NELL1: variants seen among roughly 807,000 people sequenced by gnomAD.
NELL1 encodes the protein protein kinase C-binding protein NELL1.
A neutral mutation model predicts 107.4 loss-of-function variants in NELL1; 76 were observed. That is an observed-to-expected ratio of 0.71 (90% confidence interval 0.59 to 0.86). NELL1 has a LOEUF of 0.86. Ranked by LOEUF, NELL1 falls within the 40% of genes least tolerant of loss-of-function variation. The probability of loss-of-function intolerance (pLI) is 0.00; values close to 1 mark genes in which losing one functional copy is unlikely to be tolerated. For missense variants in NELL1, 1,024 were observed against 1,005.5 expected (o/e 1.02, Z -0.25); for synonymous variants, 353 against 341.2 (o/e 1.03, Z -0.38).
chr11:20,750,668 C>A (rs1441984573), intron 2 of NELL1, among the ~76,000 whole-genome samples: 1 of 151,926 alleles, frequency 6.6e-6, no homozygotes, highest in East Asian at 1.9e-4. Context: ...CTCACTGTAC[C>A]CTTGAATTCT....
intron 3 of NELL1, among the ~76,000 whole-genome samples, chr11:20,823,513 C>T (rs1424536208): frequency 1.3e-5 from 2 of 151,228 alleles, no homozygotes; most frequent in Non-Finnish European, 3.0e-5. Flanking sequence ...TCTTTTTCCA[C>T]ACATGCAGCC....
intron 1 of NELL1, chr11:20,671,218 A>T (rs1853899988): frequency 6.6e-6 from 1 of 152,214 alleles, no homozygotes; most frequent in Non-Finnish European, 1.5e-5. Flanking sequence ...GCCCATCCGG[A>T]TGGGTTAGTC....
chr11:21,036,046 T>C (rs1457919060), intron 12 of NELL1, among the ~76,000 whole-genome samples: 1 of 152,098 alleles, frequency 6.6e-6, no homozygotes, highest in Non-Finnish European at 1.5e-5. Flanking sequence ...AGTCTCAGGA[T>C]ACAAAATAAA....
intron 16 of NELL1, among the ~76,000 whole-genome samples, chr11:21,535,726 A>G (rs1245717707): frequency 6.6e-6 from 1 of 152,160 alleles, no homozygotes; most frequent in Non-Finnish European, 1.5e-5. Flanking sequence ...AATAATGTTT[A>G]TATGTTTTTG....
At chr11:20,794,449 A>G (rs1374572063) in intron 3 of NELL1, among the ~76,000 whole-genome samples, 1 of 152,184 alleles carries the variant, frequency 6.6e-6, no homozygotes, top group African/African-American at 2.4e-5. Context: ...CAGAATTTTC[A>G]TGACTAGTTT....
chr11:21,305,301 C>T (rs1209228783), intron 14 of NELL1, among the ~76,000 whole-genome samples: 1 of 151,890 alleles, frequency 6.6e-6, no homozygotes, highest in African/African-American at 2.4e-5. Context: ...CAGATGTGTT[C>T]GTCCTTATTT....
At chr11:20,992,601 G>A (rs189688981) in intron 12 of NELL1, among the ~76,000 whole-genome samples, 93 of 152,172 alleles carry the variant, frequency 6.1e-4, no homozygotes, top group Non-Finnish European at 1.0e-3. Context: ...TCAAGGTCAG[G>A]TGAAGAGTAA....
intron 4 of NELL1, among the ~76,000 whole-genome samples, chr11:20,871,565 T>G (rs1849198156): frequency 6.6e-6 from 1 of 152,208 alleles, no homozygotes; most frequent in Non-Finnish European, 1.5e-5. Context: ...CTCTTTCATT[T>G]CTTTATAATG....
At chr11:21,333,947 C>G (rs923431831) in intron 14 of NELL1, among the ~76,000 whole-genome samples, 2 of 152,008 alleles carry the variant, frequency 1.3e-5, no homozygotes, top group Non-Finnish European at 2.9e-5. Flanking sequence ...TGGGGCAGGT[C>G]CCTTCTTCTT....
At chr11:21,416,250 T>A (rs1390482977) in intron 15 of NELL1, among the ~76,000 whole-genome samples, 3 of 152,088 alleles carry the variant, frequency 2.0e-5, no homozygotes, top group Admixed American at 6.6e-5. Context: ...ACAGAGTTTT[T>A]AAAAATGATA....
At chr11:20,676,708 G>A (rs1290576129) in intron 1 of NELL1, among the ~76,000 whole-genome samples, 1 of 152,182 alleles carries the variant, frequency 6.6e-6, no homozygotes, top group Non-Finnish European at 1.5e-5. Context: ...AGGACCAGGG[G>A]TTAAGGTGGG....
Position 21,550,702 on chromosome 11 carries a change from G to C in NELL1, c.1787-9487G>C, listed in dbSNP as rs371421077. Among the ~76,000 whole-genome samples, 15 of 151,972 alleles carry C rather than the reference G, an allele frequency of 9.9e-5. No homozygotes were observed. The East Asian group carries it at 1.2e-3, about 12-fold the overall frequency. On this transcript the variant is annotated intron_variant, in intron 16 of 19. Transcript: ENST00000357134. The stretch of plus-strand genomic sequence containing the variant: ...TCTGTTCTGTTCCATTGATCTATAT[G>C]TCTGTTTTGGTACCAGTACCATGCT...
chr11:20,872,687 T>C (rs1264351409), intron 4 of NELL1, among the ~76,000 whole-genome samples: 8 of 151,066 alleles, frequency 5.3e-5, no homozygotes, highest in African/African-American at 1.9e-4. Flanking sequence ...TGTGTGTGTG[T>C]GTGTGTGTGT....
At position 21,149,989 on chromosome 11, in the gene NELL1, C is replaced by G. The variant is rs549975656; in HGVS notation, c.1426+36275C>G. Among the ~76,000 whole-genome samples, 427 of 152,108 alleles carry G rather than the reference C, an allele frequency of 2.8e-3. 2 individuals carry two copies. The highest frequency in any genetic ancestry group is 1.0e-2 in the African/African-American group (415 of 41,520). On this transcript the variant is annotated intron_variant, in intron 13 of 19. Transcript: ENST00000357134. Reference sequence around the variant, plus strand: ...TTGATTAGGGAAGGCTCTTTGAAGGCGGTGGCTTTTGAGTTGATATCTGGA... The same window carrying G: ...TTGATTAGGGAAGGCTCTTTGAAGGGGGTGGCTTTTGAGTTGATATCTGGA...
rs796197172 is a variant in NELL1, at chr11:21,399,420, T to C, written c.1645+28472T>C. 2.6e-5 allele frequency among the ~76,000 whole-genome samples: 4 copies of C among 151,954 alleles called. No individual in the cohort carries two copies. The South Asian group carries it at 6.2e-4, about 24-fold the overall frequency. On this transcript the variant is annotated intron_variant, in intron 15 of 19. Transcript: ENST00000357134. ...GACCAGACACAGGAACACCTTTGAATTGTTATTTCAACATTAATGTGTATC... is the reference window on the plus strand; with the variant it reads ...GACCAGACACAGGAACACCTTTGAACTGTTATTTCAACATTAATGTGTATC...
chr11:21,093,491 A>G (rs1488833956), intron 12 of NELL1, among the ~76,000 whole-genome samples: 6 of 152,086 alleles, frequency 3.9e-5, no homozygotes, highest in Admixed American at 2.6e-4. Context: ...GGCCTTTCAT[A>G]TTGCCTCAGA....
At chr11:20,675,825 G>A (rs1468037849) in intron 1 of NELL1, among the ~76,000 whole-genome samples, 1 of 151,856 alleles carries the variant, frequency 6.6e-6, no homozygotes, top group Non-Finnish European at 1.5e-5. Context: ...CCAGGCTGGA[G>A]TGCAGTGGTG....
chr11:21,033,521 G>A (rs1177711261), intron 12 of NELL1, among the ~76,000 whole-genome samples: 1 of 152,084 alleles, frequency 6.6e-6, no homozygotes, highest in African/African-American at 2.4e-5. Flanking sequence ...GTTTTCTAAG[G>A]ATAGTGGCCT....
intron 2 of NELL1, among the ~76,000 whole-genome samples, chr11:20,757,719 T>G (rs2133953699): frequency 6.6e-6 from 1 of 152,328 alleles, no homozygotes; most frequent in Non-Finnish European, 1.5e-5. Context: ...CATGTGATTG[T>G]CTTCCTTTCT....
Sources: gnomAD v4.1 joint callset for allele counts (sites outside exome capture counted in the v4.1 genomes callset) on GRCh38, gnomAD v4.1.1 for gene constraint, MANE v1.5 for transcripts, NCBI Gene and HGNC (gene_info 2026-07-23, HGNC 2026-07-21) for gene names.